Variants in ARHGEF33 observed in about 807,000 individuals in gnomAD.
The protein encoded by ARHGEF33 is DH and coiled-coil domain-containing protein ENSP00000381780.
A neutral mutation model predicts 101.9 loss-of-function variants in ARHGEF33; 72 were observed. The ratio of observed to expected loss-of-function variants is 0.71; its 90% CI spans 0.58 to 0.86. ARHGEF33 has a LOEUF of 0.86. ARHGEF33 is among the 40% of genes least tolerant of loss of function. ARHGEF33 has a pLI of 0.00. For synonymous variants in ARHGEF33, 499 were observed against 442.5 expected (o/e 1.13, Z -1.60); for missense variants, 1,169 against 1,111.3 (o/e 1.05, Z -0.74).
intron 2 of ARHGEF33, among the ~76,000 whole-genome samples, chr2:38,917,855 G>T (rs1666670344): frequency 6.6e-6 from 1 of 150,742 alleles, no homozygotes; most frequent in East Asian, 1.9e-4. Context: ...AAAGTTTCCT[G>T]TGCCTCTTCC....
chr2:38,948,753 C>A (rs533183549), intron 10 of ARHGEF33, among the ~76,000 whole-genome samples: 4 of 152,204 alleles, frequency 2.6e-5, no homozygotes, highest in Non-Finnish European at 4.4e-5. Flanking sequence ...CATTTACAAC[C>A]ACTGGGTAGG....
intron 10 of ARHGEF33, among the ~76,000 whole-genome samples, chr2:38,948,271 C>A (rs1242244413): frequency 6.6e-6 from 1 of 152,130 alleles, no homozygotes; most frequent in East Asian, 1.9e-4. Flanking sequence ...CAAATAATAC[C>A]CTTGTTAAAT....
In ARHGEF33 at chr2:38,958,170, T is replaced by C; in HGVS notation, c.1507T>C (p.Ser503Pro). The C allele has an allele frequency of 6.4e-7, 1 of 1,551,720 alleles. No individual in the cohort carries two copies. ...HSEELLQPYP[S>P]APSSGPAITH... The stretch of plus-strand genomic sequence containing the variant: ...AGAAGAGTTGCTGCAACCCTACCCT[T>C]CTGCTCCCAGTTCTGGCCCTGCCAT... The change falls in exon 15 of 18, where the codon TCT (serine) becomes CCT (proline). Residue 503 changes from serine (S) to proline (P), a missense_variant. Ser to Pro is a moderately conservative substitution (Grantham distance 74). Coordinates refer to ENST00000409978, the MANE Select transcript of ARHGEF33 (RefSeq NM_001145451.5).
intron 16 of ARHGEF33, among the ~76,000 whole-genome samples, chr2:38,962,995 G>A (rs1667979459): frequency 7.0e-6 from 1 of 142,968 alleles, no homozygotes; most frequent in African/African-American, 2.7e-5. Flanking sequence ...CTGCACTCCA[G>A]CCTGGGAGAA....
Position 38,973,922 on chromosome 2 carries a change from ATATCTATATC to A in ARHGEF33, c.*83_*92del. ...TATATCTGTGTAGGAATATATATAT[ATATCTATATC>A]TATATATATATATATATCGATGTAT... On this transcript the variant is annotated 3_prime_UTR_variant, in exon 18 of 18. Transcript: ENST00000409978. 1.2e-6 allele frequency: 1 copy of A among 838,308 alleles called. No individual in the cohort carries two copies. Among genetic ancestry groups the A allele is most frequent in the Non-Finnish European group, 1.5e-6 (1 of 647,994 alleles). 51.9% of individuals were successfully genotyped at this position (838,308 alleles called of 1,614,324 possible). A position where few individuals can be genotyped will look rare whatever the true frequency, so the allele number is the denominator to read the frequency against.
At chr2:38,891,456 G>T (rs1175297871) in intron 1 of ARHGEF33, among the ~76,000 whole-genome samples, 1 of 150,964 alleles carries the variant, frequency 6.6e-6, no homozygotes, top group Non-Finnish European at 1.5e-5. Flanking sequence ...TCGGTGTCAA[G>T]AATTGCTTTT....
intron 7 of ARHGEF33, among the ~76,000 whole-genome samples, chr2:38,933,892 A>G (rs1448111327): frequency 6.6e-6 from 1 of 152,216 alleles, no homozygotes; most frequent in Admixed American, 6.5e-5. Context: ...TATGTGAGCC[A>G]TGATGCAACA....
intron 11 of ARHGEF33, among the ~76,000 whole-genome samples, chr2:38,952,264 G>C (rs1667629707): frequency 6.6e-6 from 1 of 152,220 alleles, no homozygotes; most frequent in African/African-American, 2.4e-5. Flanking sequence ...CTACAGACTA[G>C]AGTGCATATA....
At chr2:38,912,966 A>G (rs1041729193) in intron 2 of ARHGEF33, among the ~76,000 whole-genome samples, 3 of 152,204 alleles carry the variant, frequency 2.0e-5, no homozygotes, top group Non-Finnish European at 2.9e-5. Context: ...CAGCTGTTCA[A>G]GAAAAGTTCA....
chr2:38,959,517 G>A, intron 15 of ARHGEF33: 1 of 255,834 alleles, frequency 3.9e-6, no homozygotes, highest in Non-Finnish European at 7.4e-6. Flanking sequence ...GCAAGGGAGA[G>A]AAGAGAGTTG....
In ARHGEF33 at chr2:38,950,147, C is replaced by T. The variant is rs1445691135; in HGVS notation, c.921-842C>T. On this transcript the variant is annotated intron_variant, in intron 10 of 17. Transcript: ENST00000409978. ...CCTGGCCCAGTATTCCTCTTAGAAA[C>T]TGAAGAAAAGGAAAAAAGAAACCCT... Among the ~76,000 whole-genome samples, 6 of 152,152 alleles carry T rather than the reference C, an allele frequency of 3.9e-5. 1 individual carries two copies. The highest frequency in any genetic ancestry group is 3.3e-4 in the Admixed American group (5 of 15,262).
intron 2 of ARHGEF33, among the ~76,000 whole-genome samples, chr2:38,898,291 G>A (rs1245348391): frequency 1.3e-5 from 2 of 152,200 alleles, no homozygotes; most frequent in Non-Finnish European, 2.9e-5. Flanking sequence ...ATAAAGTTCT[G>A]AAACTGTATG....
intron 10 of ARHGEF33, among the ~76,000 whole-genome samples, chr2:38,947,562 C>A (rs897816167): frequency 3.3e-5 from 5 of 152,186 alleles, no homozygotes; most frequent in African/African-American, 1.2e-4. Flanking sequence ...ATACATCATA[C>A]CACTAACAGC....
intron 2 of ARHGEF33, among the ~76,000 whole-genome samples, chr2:38,918,022 T>A (rs1666673804): frequency 6.6e-6 from 1 of 152,206 alleles, no homozygotes; most frequent in Non-Finnish European, 1.5e-5. Flanking sequence ...ATCAGGTTTC[T>A]TAGTTGTAAG....
chr2:38,938,503 C>T (rs1274624873), intron 9 of ARHGEF33, among the ~76,000 whole-genome samples: 1 of 152,204 alleles, frequency 6.6e-6, no homozygotes, highest in Non-Finnish European at 1.5e-5. Context: ...AGTGCCATTG[C>T]ACTCCAGCCT....
At chr2:38,896,678 G>A (rs1326804212) in intron 2 of ARHGEF33, among the ~76,000 whole-genome samples, 1 of 152,296 alleles carries the variant, frequency 6.6e-6, no homozygotes, top group East Asian at 1.9e-4. Context: ...GGGATTGGAA[G>A]CTAGATGTCT....
At chr2:38,925,984 A>C (rs571290531) in intron 4 of ARHGEF33, among the ~76,000 whole-genome samples, 2 of 152,348 alleles carry the variant, frequency 1.3e-5, no homozygotes, top group South Asian at 4.1e-4. Context: ...ACACTGACTA[A>C]AATTCATCTT....
intron 2 of ARHGEF33, among the ~76,000 whole-genome samples, chr2:38,897,122 G>T (rs1460504205): frequency 1.3e-5 from 2 of 151,994 alleles, no homozygotes; most frequent in Non-Finnish European, 2.9e-5. Context: ...CATCATATTG[G>T]TCAGGCTGGT....
intron 1 of ARHGEF33, among the ~76,000 whole-genome samples, 170 bp downstream of exon 1, chr2:38,890,156 A>G (rs1455073290): frequency 9.2e-5 from 14 of 152,338 alleles, no homozygotes; most frequent in East Asian, 1.9e-4. Flanking sequence ...AAGAGTTATA[A>G]CAATTTGTAA....
Sources: gnomAD v4.1 joint callset for allele counts (sites outside exome capture counted in the v4.1 genomes callset) on GRCh38, gnomAD v4.1.1 for gene constraint, MANE v1.5 for transcripts, NCBI Gene and HGNC (gene_info 2026-07-23, HGNC 2026-07-21) for gene names.